ASIC2: variants seen among roughly 807,000 people sequenced by gnomAD.
The protein encoded by ASIC2 is acid-sensing ion channel 2.
ASIC2 carries 25 observed loss-of-function variants against 57.3 expected under a neutral mutation model. That is an observed-to-expected ratio of 0.44 (90% CI 0.32 to 0.61). The LOEUF (loss-of-function observed/expected upper bound fraction) is 0.61, where lower values mean the gene tolerates loss of function less well. ASIC2 is among the 20% of genes least tolerant of loss of function. The pLI is 0.06. For missense variants in ASIC2, 641 were observed against 738.1 expected (o/e 0.87, Z 1.52); for synonymous variants, 319 against 307.5 (o/e 1.04, Z -0.39).
chr17:34,025,296 TC>T (rs1907332335), intron 1 of ASIC2, among the ~76,000 whole-genome samples: 1 of 152,194 alleles, frequency 6.6e-6, no homozygotes, highest in Admixed American at 6.5e-5. Flanking sequence ...CTTTAAAGAA[TC>T]AGATTAGTTC....
At chr17:33,467,635 C>G (rs1471112071) in intron 1 of ASIC2, among the ~76,000 whole-genome samples, 3 of 152,208 alleles carry the variant, frequency 2.0e-5, no homozygotes, top group African/African-American at 7.2e-5. Flanking sequence ...AAACCTTGGT[C>G]TCCACAACCC....
intron 1 of ASIC2, among the ~76,000 whole-genome samples, chr17:33,658,494 G>A (rs970576570): frequency 1.3e-5 from 2 of 152,208 alleles, no homozygotes; most frequent in Admixed American, 1.3e-4. Context: ...ATACTGGGTA[G>A]TTTGTAAACA....
chr17:33,137,527 C>A (rs563628809), intron 1 of ASIC2, among the ~76,000 whole-genome samples: 1 of 152,314 alleles, frequency 6.6e-6, no homozygotes, highest in African/African-American at 2.4e-5. Context: ...ATGACTGGGG[C>A]TTAGCCCTGC....
intron 1 of ASIC2, among the ~76,000 whole-genome samples, chr17:33,371,942 TAGA>T (rs957986003): frequency 2.0e-5 from 3 of 152,048 alleles, no homozygotes. Context: ...CAGGGGTATG[TAGA>T]AGATCACCAC....
intron 4 of ASIC2, among the ~76,000 whole-genome samples, chr17:33,027,216 T>A (rs1016476816): frequency 6.6e-6 from 1 of 152,188 alleles, no homozygotes; most frequent in Non-Finnish European, 1.5e-5. Context: ...TCCCTGACCC[T>A]TCTTTCATAG....
rs533535236 is a variant in ASIC2 at position 34,117,278 on chromosome 17, A to C, written c.555+38700T>G. On this transcript the variant is annotated intron_variant, in intron 1 of 9. Transcript: ENST00000359872. ...GATATATAAACAGACAAATTATAGAACAGCCCAGTTTGTGTGACCCACATG... is the reference window on the plus strand; with the variant it reads ...GATATATAAACAGACAAATTATAGACCAGCCCAGTTTGTGTGACCCACATG... Among the ~76,000 whole-genome samples the C allele has an allele frequency of 2.1e-4, 32 of 152,324 alleles. No homozygotes were observed. The South Asian group carries it at 6.6e-3, about 32-fold the overall frequency.
intron 1 of ASIC2, among the ~76,000 whole-genome samples, chr17:33,421,682 C>T (rs1334558143): frequency 6.6e-6 from 1 of 152,160 alleles, no homozygotes; most frequent in Non-Finnish European, 1.5e-5. Context: ...TATGGTAGGG[C>T]CAGGAAGTAG....
intron 1 of ASIC2, among the ~76,000 whole-genome samples, chr17:33,280,855 T>C (rs772388800): frequency 6.6e-6 from 1 of 151,858 alleles, no homozygotes; most frequent in Non-Finnish European, 1.5e-5. Context: ...TGGATGTGAG[T>C]TCACAGTGGA....
chr17:33,529,175 T>A (rs1172542254), intron 1 of ASIC2, among the ~76,000 whole-genome samples: 1 of 152,164 alleles, frequency 6.6e-6, no homozygotes, highest in African/African-American at 2.4e-5. Flanking sequence ...AGACTAGCTT[T>A]AAAAAGGACA....
intron 1 of ASIC2, among the ~76,000 whole-genome samples, chr17:33,777,901 T>C (rs1252024159): frequency 6.6e-6 from 1 of 152,186 alleles, no homozygotes; most frequent in African/African-American, 2.4e-5. Context: ...GATTACCTCT[T>C]GACTTCCCAT....
chr17:33,652,226 A>C (rs554174098), intron 1 of ASIC2, among the ~76,000 whole-genome samples: 2 of 152,322 alleles, frequency 1.3e-5, no homozygotes, highest in Admixed American at 6.5e-5. Context: ...TAAGTGCCCC[A>C]GGTGGGCAGG....
intron 8 of ASIC2, 53 bp downstream of exon 8, chr17:33,017,552 C>T (rs566478445): frequency 3.6e-5 from 54 of 1,494,262 alleles, no homozygotes; most frequent in South Asian, 1.5e-4. Context: ...ACCTGGGGCA[C>T]GATGAGGGCA....
At chr17:33,382,521 C>T (rs1234978829) in intron 1 of ASIC2, among the ~76,000 whole-genome samples, 1 of 152,128 alleles carries the variant, frequency 6.6e-6, no homozygotes, top group Non-Finnish European at 1.5e-5. Flanking sequence ...GAAGCTTCAG[C>T]CCCATACTAT....
chr17:33,347,718 C>G (rs971702760), intron 1 of ASIC2, among the ~76,000 whole-genome samples: 1 of 152,132 alleles, frequency 6.6e-6, no homozygotes, highest in Non-Finnish European at 1.5e-5. Context: ...AGAGCAGATA[C>G]TTAAGTCAAC....
chr17:33,932,741 A>AAATATATATATATATATATATATAT (rs1555572867), intron 1 of ASIC2: 2 of 58,718 alleles, frequency 3.4e-5, no homozygotes, highest in Non-Finnish European at 6.2e-5. Context: ...AAAAAAAAAA[A>AAATATATATATATATATATATATAT]ATATATATAT....
At chr17:33,123,924 G>A (rs116729220) in intron 1 of ASIC2, among the ~76,000 whole-genome samples, 3,130 of 152,288 alleles carry the variant, frequency 0.021, 123 homozygotes, top group African/African-American at 0.072. Context: ...TTAATTTTGC[G>A]TTATTCTACA....
intron 1 of ASIC2, among the ~76,000 whole-genome samples, chr17:33,625,439 A>G (rs1236141082): frequency 6.6e-6 from 1 of 152,220 alleles, no homozygotes; most frequent in East Asian, 1.9e-4. Flanking sequence ...AAATGACTGC[A>G]GCCCTAACCA....
chr17:33,486,595 T>C (rs1913582953), intron 1 of ASIC2, among the ~76,000 whole-genome samples: 1 of 152,188 alleles, frequency 6.6e-6, no homozygotes, highest in Non-Finnish European at 1.5e-5. Flanking sequence ...CTGGGGAGTG[T>C]ACTGCTCCAC....
intron 1 of ASIC2, among the ~76,000 whole-genome samples, chr17:33,978,641 T>G (rs749850655): frequency 2.4e-4 from 36 of 152,068 alleles, no homozygotes; most frequent in Non-Finnish European, 3.1e-4. Flanking sequence ...ACCACCTGTG[T>G]CAAATTCCTA....
Sources: allele counts gnomAD v4.1 joint callset (sites outside exome capture counted in the v4.1 genomes callset), GRCh38; gene constraint gnomAD v4.1.1; transcripts MANE v1.5; gene names NCBI Gene and HGNC (gene_info 2026-07-23, HGNC 2026-07-21).